KNOP1: variants seen among roughly 807,000 people sequenced by gnomAD.
The protein encoded by KNOP1 is lysine rich nucleolar protein 1.
In KNOP1, 20 loss-of-function variants were observed where a neutral mutation model predicts 30.6. That is an observed-to-expected ratio of 0.65 (90% CI 0.46 to 0.95). The LOEUF is 0.95. Among genes scored for constraint, KNOP1 ranks in the 40% least tolerant of loss-of-function variants. The pLI is 0.00. For missense variants in KNOP1, 540 were observed against 562.0 expected (o/e 0.96, Z 0.40); for synonymous variants, 204 against 210.0 (o/e 0.97, Z 0.25).
chr16:19,716,022 G>C (rs1977043161), intron 1 of KNOP1, among the ~76,000 whole-genome samples: 1 of 152,208 alleles, frequency 6.6e-6, no homozygotes, highest in East Asian at 1.9e-4. Context: ...GCCCTCCTCA[G>C]CTTCGGAACT....
intron 1 of KNOP1, 45 bp from the exon 2 acceptor site, chr16:19,715,082 G>T: frequency 7.1e-7 from 1 of 1,404,878 alleles, no homozygotes; most frequent in Non-Finnish European, 9.5e-7. Context: ...AAGCCATCCT[G>T]TGTTCAATTC....
rs960170596 is a variant in KNOP1 at position 19,710,487 on chromosome 16, A to G, written c.1065+22T>C. 22 of 1,612,956 alleles carry G rather than the reference A, an allele frequency of 1.4e-5. No homozygotes were observed. The Admixed American group carries it at 2.7e-4, about 20-fold the overall frequency. On this transcript the variant is annotated intron_variant, in intron 4 of 4. Coordinates refer to ENST00000219837, the MANE Select transcript of KNOP1 (RefSeq NM_001012991.3). ...GAGGCCGAGCGTGCCACCTCCTCGCAGAGCCCTAGCCCCAAACTTACCGTC... is the reference window on the plus strand; with the variant it reads ...GAGGCCGAGCGTGCCACCTCCTCGCGGAGCCCTAGCCCCAAACTTACCGTC...
Position 19,704,245 on chromosome 16 carries a change from C to G in KNOP1, c.*2665G>C, listed in dbSNP as rs1441246233. 1 of 152,210 alleles carries G rather than the reference C, an allele frequency of 6.6e-6. No individual in the cohort carries two copies. Among genetic ancestry groups the G allele is most frequent in the Admixed American group, 6.5e-5 (1 of 15,268 alleles). The allele number at this position is 152,210 out of a possible 1,614,324, so 9.4% of individuals were successfully genotyped here. ...TTACAAGCCCGTGACACCACACCCA[C>G]CCAGCTAATTTTTGTATTTTTAGTA... is the stretch of plus-strand genomic sequence containing the variant. On this transcript the variant is annotated 3_prime_UTR_variant, in exon 5 of 5. Transcript: ENST00000219837.
chr16:19,708,624 C>T (rs8044607), intron 4 of KNOP1, among the ~76,000 whole-genome samples: 8 of 152,074 alleles, frequency 5.3e-5, no homozygotes, highest in Admixed American at 1.3e-4. Flanking sequence ...CTGACATCGA[C>T]GCTGCCTGGG....
Position 19,714,785 on chromosome 16 carries a change from G to C in KNOP1, c.251C>G (p.Pro84Arg), listed in dbSNP as rs779861814. The change falls in exon 2 of 5, where the codon CCT becomes CGT. Residue 84 changes from proline to arginine, a missense_variant. Transcript: ENST00000219837. The stretch of plus-strand genomic sequence containing the variant: ...CCGTCTAGCAGGCAGCGTGGTCTCA[G>C]GTTCTACATGCTCCTCGCAAAGGGT... ...VSTLCEEHVE[P>R]ETTLPARRTE... is the part of the protein sequence containing the mutation. The C allele has an allele frequency of 6.2e-7, 1 of 1,614,190 alleles. No homozygotes were observed. Among genetic ancestry groups the C allele is most frequent in the Non-Finnish European group, 8.5e-7 (1 of 1,180,044 alleles).
Position 19,715,663 on chromosome 16 carries a change from C to T in KNOP1, c.-2-626G>A, listed in dbSNP as rs563981883. 3.9e-5 allele frequency among the ~76,000 whole-genome samples: 6 copies of T among 152,104 alleles called. No homozygotes were observed. The South Asian group carries it at 1.0e-3, about 26-fold the overall frequency. ...CTCAAACTCCTGACCTCAAGTGATC[C>T]GCCCGCCTCAGCCTCCCAAAGTGCT... On this transcript the variant is annotated intron_variant, in intron 1 of 4. Transcript: ENST00000219837.
Position 19,714,765 on chromosome 16 carries a change from T to C in KNOP1, c.271A>G (p.Arg91Gly). The C allele has an allele frequency of 6.2e-7, 1 of 1,614,226 alleles. No homozygotes were observed. Among genetic ancestry groups the C allele is most frequent in the Non-Finnish European group, 8.5e-7 (1 of 1,180,046 alleles). ...AGGCTGGGTGACTTCTCTGTCCGTC[T>C]AGCAGGCAGCGTGGTCTCAGGTTCT... ...HVEPETTLPA[R>G]RTEKSPSLRK... Residue 91 changes from arginine to glycine, a missense_variant, in exon 2 of 5, where the codon AGA becomes GGA. Arg to Gly is a moderately radical substitution (Grantham distance 125). Coordinates refer to ENST00000219837, the MANE Select transcript of KNOP1 (RefSeq NM_001012991.3).
rs758727160 is a variant in KNOP1, at chr16:19,707,057, G to A, written c.1230C>T (p.Asp410=). ...PNMALGKKAA[D]SLQQNLQRDY... is the part of the protein sequence containing the mutation. ...CCCGCTGCAGATTCTGCTGCAGGCT[G>A]TCAGCCGCCTTCTTGCCGAGGGCCA... is the stretch of plus-strand genomic sequence containing the variant. The change falls in exon 5 of 5, where the codon GAC becomes GAT. Residue 410 remains aspartate (D), a synonymous_variant. Transcript: ENST00000219837. 1 of 1,614,174 alleles carries A rather than the reference G, an allele frequency of 6.2e-7. No homozygotes were observed. The highest frequency in any genetic ancestry group is 8.5e-7 in the Non-Finnish European group (1 of 1,180,028).
In KNOP1 at chr16:19,706,830, CA is replaced by C. The variant is rs912593823; in HGVS notation, c.*79del. On this transcript the variant is annotated 3_prime_UTR_variant, in exon 5 of 5. Transcript: ENST00000219837. The stretch of plus-strand genomic sequence containing the variant: ...TCCTCACCAAGATCTGATTTTTTCA[CA>C]AAAAAAATTTGTAATCTCCAGCATA... 26 of 1,502,374 alleles carry C rather than the reference CA, an allele frequency of 1.7e-5. No homozygotes were observed. Among genetic ancestry groups the C allele is most frequent in the African/African-American group, 4.2e-5 (3 of 70,918 alleles). The allele number at this position is 1,502,374 out of a possible 1,614,324, so 93.1% of individuals were successfully genotyped here. A position where few individuals can be genotyped will look rare whatever the true frequency, so the allele number is the denominator to read the frequency against.
At chr16:19,711,513 G>A (rs773829537) in intron 2 of KNOP1, 73 bp from the exon 3 acceptor site, 29 of 1,452,482 alleles carry the variant, frequency 2.0e-5, no homozygotes, top group Non-Finnish European at 2.6e-5. Flanking sequence ...CCCAGCCAGG[G>A]TGAGACCATG....
chr16:19,709,326 TCACC>T (rs1463699391), intron 4 of KNOP1, among the ~76,000 whole-genome samples: 2 of 152,224 alleles, frequency 1.3e-5, no homozygotes, highest in Non-Finnish European at 2.9e-5. Flanking sequence ...GCATCGCTGG[TCACC>T]CAGACCTTTC....
chr16:19,708,622 G>A (rs1011183602), intron 4 of KNOP1, among the ~76,000 whole-genome samples: 8 of 152,154 alleles, frequency 5.3e-5, no homozygotes, highest in Admixed American at 2.0e-4. Flanking sequence ...TGCTGACATC[G>A]ACGCTGCCTG....
At chr16:19,710,984 G>A (rs1976687555) in intron 3 of KNOP1, among the ~76,000 whole-genome samples, 1 of 151,914 alleles carries the variant, frequency 6.6e-6, no homozygotes, top group African/African-American at 2.4e-5. Context: ...TTTGCCACGG[G>A]ATATGGGAAC....
chr16:19,708,283 T>C (rs1260130535), intron 4 of KNOP1, among the ~76,000 whole-genome samples: 2 of 151,962 alleles, frequency 1.3e-5, no homozygotes, highest in East Asian at 2.0e-4. Flanking sequence ...CAGAGTGCGC[T>C]ACCACCCATG....
chr16:19,711,296 G>T (rs1015097480), intron 3 of KNOP1, 76 bp downstream of exon 3: 2 of 1,469,986 alleles, frequency 1.4e-6, no homozygotes, highest in Non-Finnish European at 1.9e-6. Flanking sequence ...CACCTAGCCA[G>T]CCTGGCAGGC....
At chr16:19,715,211 T>C (rs1214194760) in intron 1 of KNOP1, 174 bp from the exon 2 acceptor site, 1 of 514,192 alleles carries the variant, frequency 1.9e-6, no homozygotes, top group East Asian at 3.2e-5. Context: ...ACAGCGTAAA[T>C]TTTAAATCCA....
In KNOP1 at chr16:19,714,105, A is replaced by C; in HGVS notation, c.918+13T>G. Reference sequence around the variant, plus strand: ...TCTCCCACGGCAAAGTCCATTTCTGAAGGAAAAACTACCTCCTTCCAAGGG... The same window carrying C: ...TCTCCCACGGCAAAGTCCATTTCTGCAGGAAAAACTACCTCCTTCCAAGGG... On this transcript the variant is annotated intron_variant, in intron 2 of 4. Coordinates refer to ENST00000219837, the MANE Select transcript of KNOP1 (RefSeq NM_001012991.3). 1 of 1,599,796 alleles carries C rather than the reference A, an allele frequency of 6.3e-7. No homozygotes were observed. The highest frequency in any genetic ancestry group is 8.5e-7 in the Non-Finnish European group (1 of 1,175,020).
At chr16:19,713,936 T>C (rs1976849537) in intron 2 of KNOP1, among the ~76,000 whole-genome samples, 182 bp downstream of exon 2, 1 of 152,178 alleles carries the variant, frequency 6.6e-6, no homozygotes, top group South Asian at 2.1e-4. Context: ...TAGTTAACCA[T>C]AACCTTTCCA....
Position 19,711,525 on chromosome 16 carries a change from C to G in KNOP1, c.919-85G>C, listed in dbSNP as rs900170463. ...GCACCCAGCCAGGGTGAGACCATGA[C>G]AAAGTCCAGAAAAGACCTCAGACCA... On this transcript the variant is annotated intron_variant, in intron 2 of 4. Transcript: ENST00000219837. 4.3e-6 allele frequency: 6 copies of G among 1,379,374 alleles called. No individual in the cohort carries two copies. The African/African-American group carries it at 7.1e-5, about 16-fold the overall frequency. 85.4% of individuals were successfully genotyped at this position (1,379,374 alleles called of 1,614,324 possible).
Sources: gnomAD v4.1 joint callset for allele counts (sites outside exome capture counted in the v4.1 genomes callset) on GRCh38, gnomAD v4.1.1 for gene constraint, MANE v1.5 for transcripts, NCBI Gene and HGNC (gene_info 2026-07-23, HGNC 2026-07-21) for gene names.